ITPR2: variants seen among roughly 807,000 people sequenced by gnomAD.
The protein encoded by ITPR2 is inositol 1,4,5-trisphosphate-gated calcium channel ITPR2.
In ITPR2, 207 loss-of-function variants were observed where a neutral mutation model predicts 317.1. That is an observed-to-expected ratio of 0.65 (90% CI 0.58 to 0.73). The LOEUF (loss-of-function observed/expected upper bound fraction) is 0.73. Among genes scored for constraint, ITPR2 ranks in the 30% least tolerant of loss-of-function variants. The pLI, the probability that ITPR2 is intolerant of heterozygous loss-of-function variation, is 0.00. For missense variants in ITPR2, 2,613 were observed against 3,284.0 expected, an observed-to-expected ratio of 0.80 and a Z score of 4.99; for synonymous variants, 1,156 against 1,149.1, an observed-to-expected ratio of 1.01 and a Z score of -0.12.
chr12:26,801,265 A>T (rs1950551487), intron 1 of ITPR2: 1 of 158,892 alleles, frequency 6.3e-6, no homozygotes. Context: ...CCAACCTGGG[A>T]CTGGCTGGAA....
At chr12:26,659,055 A>T in intron 16 of ITPR2, 58 bp downstream of exon 16, 1 of 1,411,614 alleles carries the variant, frequency 7.1e-7, no homozygotes, top group Non-Finnish European at 9.8e-7. Context: ...AGTTCTAAAA[A>T]TAAAACATAA....
Position 26,530,581 on chromosome 12 carries a change from C to T in ITPR2, c.5073+19666G>A, listed in dbSNP as rs897068533. ...AATCAAGACAGCTAATATTTCTATA[C>T]ATAAGCTATCCTGCTTTGGACTTCT... is the stretch of plus-strand genomic sequence containing the variant. On this transcript the variant is annotated intron_variant, in intron 37 of 56. Coordinates refer to ENST00000381340, the MANE Select transcript of ITPR2 (RefSeq NM_002223.4). Among the ~76,000 whole-genome samples the T allele has an allele frequency of 2.0e-5, 3 of 152,186 alleles. No individual in the cohort carries two copies. In the South Asian group the frequency reaches 6.2e-4, roughly 31 times the overall value.
chr12:26,599,638 G>A (rs890048028), intron 29 of ITPR2, among the ~76,000 whole-genome samples: 2 of 152,098 alleles, frequency 1.3e-5, no homozygotes, highest in African/African-American at 4.8e-5. Flanking sequence ...CATAAAATCT[G>A]CTCAAACACA....
At chr12:26,557,992 C>T (rs551020774) in intron 35 of ITPR2, among the ~76,000 whole-genome samples, 35 of 152,238 alleles carry the variant, frequency 2.3e-4, no homozygotes, top group African/African-American at 7.9e-4. Context: ...GGATGTCACC[C>T]TCTTGATTTC....
intron 32 of ITPR2, 92 bp from the exon 33 acceptor site, chr12:26,580,247 T>C (rs1044637164): frequency 1.8e-6 from 2 of 1,127,018 alleles, no homozygotes; most frequent in Non-Finnish European, 2.5e-6. Flanking sequence ...CCTGAAATAG[T>C]TGTCAGTAAC....
At chr12:26,356,295 C>A (rs959598329) in intron 55 of ITPR2, among the ~76,000 whole-genome samples, 1 of 152,176 alleles carries the variant, frequency 6.6e-6, no homozygotes, top group African/African-American at 2.4e-5. Flanking sequence ...TACTTGGCAG[C>A]CATAGGTCTT....
intron 37 of ITPR2, among the ~76,000 whole-genome samples, chr12:26,533,849 T>G (rs2136965513): frequency 6.6e-6 from 1 of 152,310 alleles, no homozygotes; most frequent in South Asian, 2.1e-4. Context: ...TTCTGTTGTT[T>G]AAGCCACTCG....
intron 55 of ITPR2, among the ~76,000 whole-genome samples, chr12:26,356,723 T>C (rs149598362): frequency 3.3e-5 from 5 of 152,314 alleles, no homozygotes; most frequent in Admixed American, 1.3e-4. Flanking sequence ...CATTGATTGA[T>C]TGATTGTAGG....
intron 34 of ITPR2, among the ~76,000 whole-genome samples, chr12:26,570,958 T>C (rs747187864): frequency 4.6e-5 from 7 of 152,150 alleles, no homozygotes; most frequent in Non-Finnish European, 2.9e-5. Flanking sequence ...TTAATTTAGC[T>C]CATTGAGGGC....
intron 37 of ITPR2, among the ~76,000 whole-genome samples, chr12:26,540,243 A>G (rs1419257496): frequency 6.6e-6 from 1 of 152,218 alleles, no homozygotes; most frequent in Non-Finnish European, 1.5e-5. Flanking sequence ...AAGGCATGAT[A>G]TGAAAAGGTC....
At chr12:26,520,519 C>T (rs1182492361) in intron 37 of ITPR2, among the ~76,000 whole-genome samples, 3 of 152,138 alleles carry the variant, frequency 2.0e-5, no homozygotes, top group Admixed American at 6.5e-5. Context: ...TCAGAAATAG[C>T]GGCTCCTGGT....
At chr12:26,803,298 C>G (rs1269210583) in intron 1 of ITPR2, among the ~76,000 whole-genome samples, 6 of 151,374 alleles carry the variant, frequency 4.0e-5, no homozygotes, top group Non-Finnish European at 8.8e-5. Context: ...GGGGACAGTA[C>G]AGTATATTTT....
At chr12:26,402,231 A>C (rs1295812758) in intron 52 of ITPR2, among the ~76,000 whole-genome samples, 1 of 152,188 alleles carries the variant, frequency 6.6e-6, no homozygotes, top group African/African-American at 2.4e-5. Context: ...AGAGAGCAAA[A>C]GGGGCTTTTA....
At chr12:26,461,671 T>A (rs796367476) in intron 45 of ITPR2, among the ~76,000 whole-genome samples, 2 of 86,502 alleles carry the variant, frequency 2.3e-5, no homozygotes, top group South Asian at 9.0e-4. Flanking sequence ...TATATATATA[T>A]GCACACATAC....
chr12:26,508,376 G>A (rs1294448155), intron 37 of ITPR2, among the ~76,000 whole-genome samples: 1 of 152,150 alleles, frequency 6.6e-6, no homozygotes, highest in Non-Finnish European at 1.5e-5. Flanking sequence ...AGTCAAGTAA[G>A]ATGAAAACAT....
At chr12:26,681,573 C>T (rs138976407) in intron 13 of ITPR2, among the ~76,000 whole-genome samples, 7 of 152,148 alleles carry the variant, frequency 4.6e-5, no homozygotes, top group African/African-American at 1.2e-4. Flanking sequence ...TCAAATCATG[C>T]GCAGCAAAAG....
At chr12:26,629,407 C>T (rs543056966) in intron 22 of ITPR2, among the ~76,000 whole-genome samples, 1 of 152,142 alleles carries the variant, frequency 6.6e-6, no homozygotes, top group East Asian at 1.9e-4. Flanking sequence ...GGCAACATGG[C>T]GAAGTCCCAT....
chr12:26,750,472 A>G (rs1336179261), intron 2 of ITPR2, among the ~76,000 whole-genome samples: 1 of 152,208 alleles, frequency 6.6e-6, no homozygotes, highest in Non-Finnish European at 1.5e-5. Flanking sequence ...GTCATCCTTC[A>G]TAGAAGACAT....
At chr12:26,747,000 A>G (rs148879737) in intron 2 of ITPR2, among the ~76,000 whole-genome samples, 3 of 152,202 alleles carry the variant, frequency 2.0e-5, no homozygotes, top group African/African-American at 4.8e-5. Flanking sequence ...TAAATATTCA[A>G]GTAACTCCAA....
Sources: gnomAD v4.1 joint callset for allele counts (sites outside exome capture counted in the v4.1 genomes callset) on GRCh38, gnomAD v4.1.1 for gene constraint, MANE v1.5 for transcripts, NCBI Gene and HGNC (gene_info 2026-07-23, HGNC 2026-07-21) for gene names.